Variants in PDLIM5 observed in about 807,000 individuals in gnomAD.
PDLIM5 encodes the protein PDZ and LIM domain 5, also known as PDZ and LIM domain protein 5.
PDLIM5 carries 34 observed loss-of-function variants against 64.2 expected under a neutral mutation model. The observed-to-expected ratio is 0.53, with a 90% CI of 0.40 to 0.71. The LOEUF (loss-of-function observed/expected upper bound fraction) is 0.71, where lower values mean the gene tolerates loss of function less well. Among genes scored for constraint, PDLIM5 ranks in the 30% least tolerant of loss-of-function variants. The pLI, the probability that PDLIM5 is intolerant of heterozygous loss-of-function variation, is 0.00. For missense variants in PDLIM5, 683 were observed against 733.6 expected, an observed-to-expected ratio of 0.93 and a Z score of 0.80; for synonymous variants, 253 against 269.1, an observed-to-expected ratio of 0.94 and a Z score of 0.59.
intron 9 of PDLIM5, among the ~76,000 whole-genome samples, chr4:94,653,404 A>G (rs556379111): frequency 1.3e-5 from 2 of 152,106 alleles, no homozygotes; most frequent in South Asian, 4.1e-4. Flanking sequence ...AATTAGTGTG[A>G]TATAGCTACT....
chr4:94,625,298 A>G (rs1739574955), intron 8 of PDLIM5, among the ~76,000 whole-genome samples: 1 of 152,174 alleles, frequency 6.6e-6, no homozygotes. Context: ...GTTTACTCTC[A>G]TGTCCCTGGT....
intron 2 of PDLIM5, among the ~76,000 whole-genome samples, chr4:94,487,724 A>G (rs1726481908): frequency 6.6e-6 from 1 of 152,218 alleles, no homozygotes; most frequent in African/African-American, 2.4e-5. Flanking sequence ...TTTGTGTAGC[A>G]CAGAATCATT....
At chr4:94,461,044 A>G (rs1723833237) in intron 2 of PDLIM5, among the ~76,000 whole-genome samples, 1 of 152,212 alleles carries the variant, frequency 6.6e-6, no homozygotes, top group Admixed American at 6.5e-5. Flanking sequence ...AGTAGTTCTT[A>G]CCCAGATTCC....
At chr4:94,514,262 GTAGCTGGGAC>G (rs1729168230) in intron 2 of PDLIM5, among the ~76,000 whole-genome samples, 1 of 151,116 alleles carries the variant, frequency 6.6e-6, no homozygotes, top group Admixed American at 6.6e-5. Context: ...AGCCTCCCAA[GTAGCTGGGAC>G]TACAGGTGCC....
At chr4:94,611,633 A>G (rs780891966) in intron 7 of PDLIM5, among the ~76,000 whole-genome samples, 4 of 152,230 alleles carry the variant, frequency 2.6e-5, no homozygotes, top group Non-Finnish European at 4.4e-5. Flanking sequence ...TGCTTGGAAA[A>G]GCAACTTAAT....
At chr4:94,597,145 A>G (rs1737128947) in intron 7 of PDLIM5, among the ~76,000 whole-genome samples, 1 of 152,150 alleles carries the variant, frequency 6.6e-6, no homozygotes, top group African/African-American at 2.4e-5. Flanking sequence ...CTGATATGCT[A>G]GTAATTTATA....
chr4:94,611,595 ATAT>A (rs1331093956), intron 7 of PDLIM5, among the ~76,000 whole-genome samples: 1 of 152,228 alleles, frequency 6.6e-6, no homozygotes, highest in African/African-American at 2.4e-5. Flanking sequence ...GATTGGCTAC[ATAT>A]TATAGTTGTT....
At position 94,485,466 on chromosome 4, in the gene PDLIM5, A is replaced by C. The variant is rs2510803; in HGVS notation, c.96+30082A>C. On this transcript the variant is annotated intron_variant, in intron 2 of 12. Coordinates refer to ENST00000317968, the MANE Select transcript of PDLIM5 (RefSeq NM_006457.5). ...TCACACACTGCATGGCCAATGTAAT[A>C]TATATGTAGTTAAGAAATTATGTGA... Among the ~76,000 whole-genome samples, 1,528 of 152,308 alleles carry C rather than the reference A, an allele frequency of 0.01. 160 individuals carry two copies. In the East Asian group the frequency reaches 0.23, roughly 22 times the overall value.
intron 8 of PDLIM5, among the ~76,000 whole-genome samples, chr4:94,635,366 A>T (rs1412077872): frequency 6.6e-6 from 1 of 152,106 alleles, no homozygotes; most frequent in African/African-American, 2.4e-5. Flanking sequence ...CTCATTATTC[A>T]GTTCGAAAAA....
At chr4:94,559,543 A>G (rs1284950040) in intron 3 of PDLIM5, among the ~76,000 whole-genome samples, 1 of 152,258 alleles carries the variant, frequency 6.6e-6, no homozygotes, top group African/African-American at 2.4e-5. Context: ...CCTAGAAAAC[A>G]GAAGATCAGT....
intron 7 of PDLIM5, among the ~76,000 whole-genome samples, chr4:94,600,159 A>G (rs1737380454): frequency 6.6e-6 from 1 of 152,210 alleles, no homozygotes; most frequent in Non-Finnish European, 1.5e-5. Context: ...AAGCTTCATG[A>G]GGGCAGGAAA....
At chr4:94,572,531 T>C (rs1413213801) in intron 3 of PDLIM5, among the ~76,000 whole-genome samples, 2 of 152,222 alleles carry the variant, frequency 1.3e-5, no homozygotes, top group Non-Finnish European at 2.9e-5. Flanking sequence ...CAATTATTGT[T>C]ACTGTTGAGC....
At chr4:94,491,416 C>T (rs1006231108) in intron 2 of PDLIM5, among the ~76,000 whole-genome samples, 2 of 152,066 alleles carry the variant, frequency 1.3e-5, no homozygotes, top group Admixed American at 1.3e-4. Flanking sequence ...GGACAGTTTC[C>T]TTTCCTTTTT....
At chr4:94,516,683 A>G (rs1729388719) in intron 2 of PDLIM5, among the ~76,000 whole-genome samples, 1 of 151,922 alleles carries the variant, frequency 6.6e-6, no homozygotes, top group Admixed American at 6.6e-5. Flanking sequence ...GATGGCACAC[A>G]CCATGCCCAT....
intron 7 of PDLIM5, among the ~76,000 whole-genome samples, chr4:94,613,703 A>G: frequency 6.6e-6 from 1 of 152,136 alleles, no homozygotes; most frequent in South Asian, 2.1e-4. Context: ...AGCCAAGGGT[A>G]TTTATGGATT....
At chr4:94,459,939 G>A (rs899486205) in intron 2 of PDLIM5, among the ~76,000 whole-genome samples, 1 of 152,202 alleles carries the variant, frequency 6.6e-6, no homozygotes, top group African/African-American at 2.4e-5. Context: ...GCCAGCTGCA[G>A]TTTCCCTCCT....
chr4:94,518,107 A>G (rs996816009), intron 2 of PDLIM5, among the ~76,000 whole-genome samples: 16 of 152,210 alleles, frequency 1.1e-4, no homozygotes, highest in African/African-American at 3.9e-4. Flanking sequence ...GTTGCGATTA[A>G]ACATCGTGCC....
intron 11 of PDLIM5, among the ~76,000 whole-genome samples, 184 bp from the exon 12 acceptor site, chr4:94,662,237 TC>T (rs148232042): frequency 0.35 from 53,834 of 151,760 alleles, 10,562 homozygotes; most frequent in South Asian, 0.59. Flanking sequence ...ACCAAGGGAA[TC>T]CTGAAACATG....
intron 7 of PDLIM5, among the ~76,000 whole-genome samples, chr4:94,593,221 A>G (rs1736807421): frequency 6.6e-6 from 1 of 152,152 alleles, no homozygotes; most frequent in African/African-American, 2.4e-5. Flanking sequence ...ACTGTAAGTA[A>G]AGGCCTAGCA....
Sources: allele counts gnomAD v4.1 joint callset (sites outside exome capture counted in the v4.1 genomes callset), GRCh38; gene constraint gnomAD v4.1.1; transcripts MANE v1.5; gene names NCBI Gene and HGNC (gene_info 2026-07-23, HGNC 2026-07-21).